Variants in PTPRR observed in about 807,000 individuals in gnomAD.
PTPRR encodes receptor-type tyrosine-protein phosphatase R.
A neutral mutation model predicts 77.2 loss-of-function variants in PTPRR; 38 were observed. The ratio of observed to expected loss-of-function variants is 0.49; its 90% CI spans 0.38 to 0.65. PTPRR has a LOEUF of 0.65. Among genes scored for constraint, PTPRR ranks in the 30% least tolerant of loss-of-function variants. PTPRR has a pLI of 0.00. For missense variants in PTPRR, 744 were observed against 799.2 expected (o/e 0.93, Z 0.83); for synonymous variants, 299 against 283.1 (o/e 1.06, Z -0.57).
chr12:70,755,672 A>G (rs1340344689), intron 4 of PTPRR, among the ~76,000 whole-genome samples: 1 of 152,172 alleles, frequency 6.6e-6, no homozygotes, highest in Non-Finnish European at 1.5e-5. Flanking sequence ...TTTCTAAGAC[A>G]TAGATAGATG....
At chr12:70,796,467 G>A (rs1592762533) in intron 2 of PTPRR, among the ~76,000 whole-genome samples, 1 of 152,072 alleles carries the variant, frequency 6.6e-6, no homozygotes, top group East Asian at 1.9e-4. Context: ...ATAAATATGT[G>A]TTTTGGTTTA....
chr12:70,857,596 T>G (rs1892675066), intron 2 of PTPRR, among the ~76,000 whole-genome samples: 1 of 152,158 alleles, frequency 6.6e-6, no homozygotes, highest in African/African-American at 2.4e-5. Context: ...GGGTGAATGT[T>G]GGCAGTGATG....
chr12:70,771,680 T>A (rs574730722), intron 2 of PTPRR, among the ~76,000 whole-genome samples: 2 of 152,334 alleles, frequency 1.3e-5, no homozygotes, highest in East Asian at 3.9e-4. Flanking sequence ...TGCTTTAGTT[T>A]AGTTCCAGAT....
chr12:70,802,757 T>C (rs1031834238), intron 2 of PTPRR, among the ~76,000 whole-genome samples: 1 of 152,222 alleles, frequency 6.6e-6, no homozygotes, highest in East Asian at 1.9e-4. Flanking sequence ...ACATTTATAA[T>C]TGGTGTCTAT....
intron 2 of PTPRR, among the ~76,000 whole-genome samples, chr12:70,864,668 C>A (rs1892809531): frequency 6.6e-6 from 1 of 152,146 alleles, no homozygotes; most frequent in Non-Finnish European, 1.5e-5. Context: ...TGTGTCCCCA[C>A]CAAAATCTCA....
chr12:70,666,730 A>G (rs560153445), intron 10 of PTPRR, among the ~76,000 whole-genome samples: 1 of 152,166 alleles, frequency 6.6e-6, no homozygotes, highest in East Asian at 1.9e-4. Context: ...TAAATAAACT[A>G]AAATGGAAAA....
chr12:70,768,947 C>T (rs553346283), intron 2 of PTPRR, among the ~76,000 whole-genome samples: 3,039 of 151,214 alleles, frequency 0.02, 115 homozygotes, highest in African/African-American at 0.07. Flanking sequence ...AAGCCTTTGA[C>T]AAAATTCAAC....
At chr12:70,835,680 A>T (rs1429292580) in intron 2 of PTPRR, among the ~76,000 whole-genome samples, 1 of 152,144 alleles carries the variant, frequency 6.6e-6, no homozygotes, top group Non-Finnish European at 1.5e-5. Context: ...GAAGACAAAT[A>T]TTAACTTCTA....
At chr12:70,705,735 G>A (rs1328655851) in intron 6 of PTPRR, among the ~76,000 whole-genome samples, 1 of 151,126 alleles carries the variant, frequency 6.6e-6, no homozygotes, top group African/African-American at 2.4e-5. Flanking sequence ...TTTTTTTTTG[G>A]TTCTGTGAAA....
At chr12:70,900,369 A>T (rs184667396) in intron 1 of PTPRR, among the ~76,000 whole-genome samples, 4 of 151,610 alleles carry the variant, frequency 2.6e-5, no homozygotes, top group Non-Finnish European at 4.4e-5. Flanking sequence ...ATCACACCAT[A>T]TACAAAAATG....
intron 10 of PTPRR, among the ~76,000 whole-genome samples, chr12:70,670,132 G>A (rs1179829329): frequency 6.6e-6 from 1 of 152,204 alleles, no homozygotes; most frequent in Non-Finnish European, 1.5e-5. Flanking sequence ...CTTAAGTCAA[G>A]TAGTTTAACT....
intron 2 of PTPRR, among the ~76,000 whole-genome samples, chr12:70,880,292 G>A (rs1490852957): frequency 6.6e-6 from 1 of 152,044 alleles, no homozygotes; most frequent in African/African-American, 2.4e-5. Flanking sequence ...AATACAAGAT[G>A]CTAACTTAGT....
intron 2 of PTPRR, among the ~76,000 whole-genome samples, chr12:70,783,896 G>C (rs376479814): frequency 6.8e-6 from 1 of 147,208 alleles, no homozygotes; most frequent in Admixed American, 6.8e-5. Flanking sequence ...GGGTTGGCAC[G>C]TCAGCACTGC....
intron 2 of PTPRR, among the ~76,000 whole-genome samples, chr12:70,833,858 C>T (rs563984981): frequency 6.6e-6 from 1 of 152,256 alleles, no homozygotes; most frequent in South Asian, 2.1e-4. Context: ...TGCTCATTCC[C>T]TCCCATGCAA....
chr12:70,739,879 C>A (rs1161042225), intron 6 of PTPRR, among the ~76,000 whole-genome samples: 1 of 151,882 alleles, frequency 6.6e-6, no homozygotes, highest in Non-Finnish European at 1.5e-5. Flanking sequence ...GAGCGCAGCA[C>A]TCAGAGGGGG....
At chr12:70,864,349 T>C (rs1592800619) in intron 2 of PTPRR, among the ~76,000 whole-genome samples, 1 of 152,170 alleles carries the variant, frequency 6.6e-6, no homozygotes, top group African/African-American at 2.4e-5. Context: ...CAGCCAAAGA[T>C]AGGGAGTCCT....
At chr12:70,781,819 C>T (rs998315903) in intron 2 of PTPRR, among the ~76,000 whole-genome samples, 1 of 152,142 alleles carries the variant, frequency 6.6e-6, no homozygotes, top group African/African-American at 2.4e-5. Flanking sequence ...CTTTATACTA[C>T]AGCAATAGTG....
intron 2 of PTPRR, among the ~76,000 whole-genome samples, chr12:70,827,866 G>T (rs771007973): frequency 1.9e-4 from 28 of 150,618 alleles, no homozygotes; most frequent in Non-Finnish European, 2.5e-4. Flanking sequence ...GACTACAGGC[G>T]CCCACCACTA....
At chr12:70,771,101 A>G (rs368043997) in intron 2 of PTPRR, among the ~76,000 whole-genome samples, 2 of 151,800 alleles carry the variant, frequency 1.3e-5, no homozygotes, top group East Asian at 3.9e-4. Flanking sequence ...ACATGTATAC[A>G]TATGTAACTA....
Sources: gnomAD v4.1 joint callset for allele counts (sites outside exome capture counted in the v4.1 genomes callset) on GRCh38, gnomAD v4.1.1 for gene constraint, MANE v1.5 for transcripts, NCBI Gene and HGNC (gene_info 2026-07-23, HGNC 2026-07-21) for gene names.